The following DYNC2H1 variants were observed in gnomAD, a reference collection of about 807,000 sequenced individuals.
DYNC2H1 encodes the protein cytoplasmic dynein 2 heavy chain 1.
Under a neutral mutation model 570.0 loss-of-function variants are expected in DYNC2H1, and 410 were observed. The observed-to-expected ratio is 0.72, with a 90% CI of 0.66 to 0.78. DYNC2H1 has a LOEUF of 0.78. DYNC2H1 is among the 30% of genes least tolerant of loss of function. DYNC2H1 has a pLI of 0.00. For missense variants in DYNC2H1, 4,865 were observed against 5,046.4 expected (o/e 0.96, Z 1.09); for synonymous variants, 1,688 against 1,677.6 (o/e 1.01, Z -0.15).
In DYNC2H1 at chr11:103,145,531, T is replaced by G. The variant is rs1860198161; in HGVS notation, c.2702+2136T>G. Among the ~76,000 whole-genome samples, 1 of 152,154 alleles carries G rather than the reference T, an allele frequency of 6.6e-6. No homozygotes were observed. Among genetic ancestry groups the G allele is most frequent in the Admixed American group, 6.6e-5 (1 of 15,266 alleles). On this transcript the variant is annotated intron_variant, in intron 18 of 88. Coordinates refer to ENST00000375735, the MANE Select transcript of DYNC2H1 (RefSeq NM_001377.3). This position sits in a 1 kb window ranked among gnomAD's most constrained non-coding sequence, Gnocchi z 4.2. ...TTTTTTGTCCCTTACTATAGATAGC[T>G]TTCCTATTTATGATCCTTGCCAAAA... is the stretch of plus-strand genomic sequence containing the variant.
At chr11:103,401,288 C>T (rs184536588) in intron 84 of DYNC2H1, among the ~76,000 whole-genome samples, 7 of 152,016 alleles carry the variant, frequency 4.6e-5, no homozygotes, top group Non-Finnish European at 1.0e-4. Context: ...TATAAATGCT[C>T]TTGAGAGTAT....
chr11:103,462,173 T>C (rs996115403), intron 87 of DYNC2H1, among the ~76,000 whole-genome samples: 32 of 152,130 alleles, frequency 2.1e-4, no homozygotes, highest in African/African-American at 7.5e-4. Flanking sequence ...GTTACAGGAG[T>C]GGGGTCATTT....
chr11:103,457,574 A>G (rs1211148139), intron 87 of DYNC2H1, among the ~76,000 whole-genome samples: 1 of 152,026 alleles, frequency 6.6e-6, no homozygotes, highest in Non-Finnish European at 1.5e-5. Context: ...CTTAAAAAAT[A>G]ATGATATAAA....
At chr11:103,218,710 T>C (rs1591427581) in intron 55 of DYNC2H1, among the ~76,000 whole-genome samples, 1 of 152,184 alleles carries the variant, frequency 6.6e-6, no homozygotes, top group African/African-American at 2.4e-5. Context: ...GTAATACACA[T>C]TGAGTATCTG....
intron 83 of DYNC2H1, among the ~76,000 whole-genome samples, chr11:103,364,599 GTT>G (rs36030711): frequency 0.012 from 1,535 of 130,044 alleles, 31 homozygotes; most frequent in African/African-American, 0.038. Context: ...AAATCTTGTT[GTT>G]TTTTTTTTTT....
chr11:103,144,860 A>G (rs890926660), intron 18 of DYNC2H1, among the ~76,000 whole-genome samples: 3 of 142,484 alleles, frequency 2.1e-5, no homozygotes, highest in Non-Finnish European at 4.5e-5. Context: ...CATCCAGAAG[A>G]CCAGTAATAA....
rs768132660 is a variant in DYNC2H1 at position 103,204,871 on chromosome 11, A to C, written c.8361A>C (p.Ser2787=). 3.1e-5 allele frequency: 50 copies of C among 1,590,354 alleles called. No individual in the cohort carries two copies. The Admixed American group carries it at 8.8e-4, about 28-fold the overall frequency. Reference sequence around the variant, plus strand: ...TCTTGATAATGGATTCTGCAAATTCAAACTTCATGATAAACTGTGAGAGTA... The same window carrying C: ...TCTTGATAATGGATTCTGCAAATTCCAACTTCATGATAAACTGTGAGAGTA... ...HIVLIMDSAN[S]NFMINCESNP... The change falls in exon 52 of 89, where the codon TCA becomes TCC. Residue 2787 remains serine (S), a synonymous_variant. Transcript: ENST00000375735. This position sits in a 1 kb window ranked among gnomAD's most constrained non-coding sequence, Gnocchi z 4.1.
In DYNC2H1 at chr11:103,280,245, A is replaced by G. The variant is rs1485925615; in HGVS notation, c.10696-103A>G. ...TTACATCGATAAAAAAGTAGGTCAT[A>G]TGAAGACAGAATAGAGATTTTTGTG... On this transcript the variant is annotated intron_variant, in intron 70 of 88. Coordinates refer to ENST00000375735, the MANE Select transcript of DYNC2H1 (RefSeq NM_001377.3). The surrounding 1 kb of genome is among the most constrained non-coding windows in gnomAD (Gnocchi z 4.7). 1.8e-6 allele frequency: 2 copies of G among 1,123,196 alleles called. No homozygotes were observed. Among genetic ancestry groups the G allele is most frequent in the African/African-American group, 1.6e-5 (1 of 63,842 alleles). 69.6% of individuals were successfully genotyped at this position (1,123,196 alleles called of 1,614,324 possible). A position where few individuals can be genotyped will look rare whatever the true frequency, so the allele number is the denominator to read the frequency against.
At chr11:103,457,876 C>G (rs1019453233) in intron 87 of DYNC2H1, among the ~76,000 whole-genome samples, 1 of 152,056 alleles carries the variant, frequency 6.6e-6, no homozygotes, top group Non-Finnish European at 1.5e-5. Context: ...TTACTTTATA[C>G]TTTTAATTTT....
intron 75 of DYNC2H1, among the ~76,000 whole-genome samples, chr11:103,288,684 T>TAAAAAAAAAAAAAAAAAAAAAA (rs57040929): frequency 7.2e-5 from 2 of 27,912 alleles, no homozygotes; most frequent in Admixed American, 6.4e-4. Flanking sequence ...CCGTCTCTAC[T>TAAAAAAAAAAAAAAAAAAAAAA]AAAAAAAAAA....
At chr11:103,308,270 A>G (rs927085015) in intron 78 of DYNC2H1, among the ~76,000 whole-genome samples, 1 of 152,170 alleles carries the variant, frequency 6.6e-6, no homozygotes, top group African/African-American at 2.4e-5. Context: ...ATCATGGATT[A>G]TCTTTTTGTT....
intron 78 of DYNC2H1, among the ~76,000 whole-genome samples, chr11:103,310,693 TTTTTTGG>T (rs1476167795): frequency 6.8e-5 from 6 of 88,556 alleles, no homozygotes; most frequent in Admixed American, 1.2e-4. Flanking sequence ...TTTTTTTTTT[TTTTTTGG>T]GAGACTGAGT....
At chr11:103,286,862 C>T (rs1330122211) in intron 74 of DYNC2H1, among the ~76,000 whole-genome samples, 2 of 152,136 alleles carry the variant, frequency 1.3e-5, no homozygotes, top group Non-Finnish European at 2.9e-5. Flanking sequence ...CAGAAAATGA[C>T]CTTTCCATTT....
chr11:103,312,523 CAGAA>C (rs1867641823), intron 79 of DYNC2H1, among the ~76,000 whole-genome samples: 1 of 94,042 alleles, frequency 1.1e-5, no homozygotes, highest in Non-Finnish European at 1.9e-5. Flanking sequence ...GCCTGGGTGA[CAGAA>C]AGAGACTCTG....
In DYNC2H1 at chr11:103,143,328, G is replaced by A. The variant is rs772950964; in HGVS notation, c.2635G>A (p.Val879Ile). Residue 879 changes from valine to isoleucine, a missense_variant, in exon 18 of 89, where the codon GTA becomes ATA. Val to Ile is a conservative substitution (Grantham distance 29). This residue lies in a region of DYNC2H1 where 1,936 missense variants were observed against 1,962.1 expected (regional missense o/e 0.99). Coordinates refer to ENST00000375735, the MANE Select transcript of DYNC2H1 (RefSeq NM_001377.3). Reference sequence around the variant, plus strand: ...TCTGGTGGAAAAGCATCTTTTTACTGTACATGATTGGGAGAAAAATTTTAA... The same window carrying A: ...TCTGGTGGAAAAGCATCTTTTTACTATACATGATTGGGAGAAAAATTTTAA... ...EALVEKHLFTVHDWEKNFKAL... is the reference protein window; with the variant it reads ...EALVEKHLFTIHDWEKNFKAL... The A allele has an allele frequency of 2.5e-6, 4 of 1,613,308 alleles. No homozygotes were observed. The Admixed American group carries it at 6.7e-5, about 27-fold the overall frequency.
chr11:103,349,745 C>T (rs539042541), intron 82 of DYNC2H1, among the ~76,000 whole-genome samples: 3 of 152,104 alleles, frequency 2.0e-5, no homozygotes, highest in Admixed American at 2.0e-4. Flanking sequence ...AGATTTATTT[C>T]CAGGCTTTTA....
chr11:103,130,082 G>C (rs1231939056), intron 13 of DYNC2H1, among the ~76,000 whole-genome samples: 3 of 152,108 alleles, frequency 2.0e-5, no homozygotes, highest in Non-Finnish European at 4.4e-5. Flanking sequence ...AATCACAGAG[G>C]GTGTACTTAT....
rs1189074387 is a variant in DYNC2H1, at chr11:103,158,681, A to G, written c.4132A>G (p.Ile1378Val). The part of the protein sequence containing the change: ...FNRVDEDFRS[I>V]MTDIKKDNRV... Reference sequence around the variant, plus strand: ...ATACTTTTTTTTCTTTTGTAGATCAATAATGACTGATATCAAGAAAGACAA... The same window carrying G: ...ATACTTTTTTTTCTTTTGTAGATCAGTAATGACTGATATCAAGAAAGACAA... The change falls in exon 27 of 89, where the codon ATA becomes GTA. Residue 1378 changes from isoleucine to valine, a missense_variant. This residue lies in a region of DYNC2H1 where 1,936 missense variants were observed against 1,962.1 expected (regional missense o/e 0.99). Transcript: ENST00000375735. The G allele has an allele frequency of 1.3e-6, 2 of 1,521,398 alleles. No individual in the cohort carries two copies. The highest frequency in any genetic ancestry group is 1.3e-5 in the South Asian group (1 of 77,886). The allele number at this position is 1,521,398 out of a possible 1,614,324, so 94.2% of individuals were successfully genotyped here.
chr11:103,109,557 C>G lies in DYNC2H1; in HGVS notation c.-18C>G. The stretch of plus-strand genomic sequence containing the variant: ...CTTCCTTCCCCCTTCCCCCAACTTC[C>G]CTCCACCCCTTCCAATCATGGCGAA... On this transcript the variant is annotated 5_prime_UTR_variant, in exon 1 of 89. Coordinates refer to ENST00000375735, the MANE Select transcript of DYNC2H1 (RefSeq NM_001377.3). 1 of 1,611,642 alleles carries G rather than the reference C, an allele frequency of 6.2e-7. No individual in the cohort carries two copies.
Sources: gnomAD v4.1 joint callset for allele counts (sites outside exome capture counted in the v4.1 genomes callset) on GRCh38, gnomAD v4.1.1 for gene constraint, gnomAD v4.1.1 regional missense constraint, Gnocchi (gnomAD v3.1) non-coding constraint, MANE v1.5 for transcripts, NCBI Gene and HGNC (gene_info 2026-07-23, HGNC 2026-07-21) for gene names.